GPC5: variants seen among roughly 807,000 people sequenced by gnomAD.
The protein encoded by GPC5 is glypican-5.
Under a neutral mutation model 53.9 loss-of-function variants are expected in GPC5, and 47 were observed. The ratio of observed to expected loss-of-function variants is 0.87; its 90% CI spans 0.69 to 1.11. The LOEUF is 1.11. Among genes scored for constraint, GPC5 ranks in the 50% most tolerant of loss-of-function variants. The pLI is 0.00. For missense variants in GPC5, 748 were observed against 713.1 expected, an observed-to-expected ratio of 1.05 and a Z score of -0.56; for synonymous variants, 286 against 263.3, an observed-to-expected ratio of 1.09 and a Z score of -0.84.
At chr13:92,628,627 T>A (rs2139127771) in intron 7 of GPC5, among the ~76,000 whole-genome samples, 1 of 152,218 alleles carries the variant, frequency 6.6e-6, no homozygotes, top group South Asian at 2.1e-4. Context: ...GTGACTAAAC[T>A]GGTACGATTT....
intron 7 of GPC5, among the ~76,000 whole-genome samples, chr13:92,792,909 G>A (rs971549978): frequency 1.3e-5 from 2 of 152,098 alleles, no homozygotes; most frequent in African/African-American, 4.8e-5. Context: ...CCTACAAAGA[G>A]ACTTAGACTC....
rs1360227791 is a variant in GPC5, at chr13:91,693,168, A to G, written c.326-19A>G. 1.5e-5 allele frequency: 24 copies of G among 1,571,626 alleles called. No homozygotes were observed. The highest frequency in any genetic ancestry group is 2.1e-5 in the Non-Finnish European group (24 of 1,146,112). On this transcript the variant is annotated intron_variant, in intron 2 of 7. Coordinates refer to ENST00000377067, the MANE Select transcript of GPC5 (RefSeq NM_004466.6). ...TGAATACTAAACCTTCTCATGTTTT[A>G]CCTCTGCTTGTGTTACAGAAACCCT...
chr13:92,259,736 T>G (rs762181951), intron 7 of GPC5, among the ~76,000 whole-genome samples: 2 of 152,142 alleles, frequency 1.3e-5, no homozygotes, highest in African/African-American at 2.4e-5. Context: ...GAACATGTGA[T>G]CTCATCAGTT....
intron 7 of GPC5, among the ~76,000 whole-genome samples, chr13:92,745,398 T>C (rs1239154614): frequency 2.0e-5 from 3 of 152,126 alleles, no homozygotes; most frequent in African/African-American, 4.8e-5. Flanking sequence ...TTTTTTGAAT[T>C]CCATTCCTAT....
At position 92,796,279 on chromosome 13, in the gene GPC5, G is replaced by A. The variant is rs140251178; in HGVS notation, c.1562-70003G>A. 3.5e-3 allele frequency among the ~76,000 whole-genome samples: 531 copies of A among 152,062 alleles called. 6 individuals carry two copies. The highest frequency in any genetic ancestry group is 4.5e-3 in the Non-Finnish European group (308 of 67,960). On this transcript the variant is annotated intron_variant, in intron 7 of 7. Coordinates refer to ENST00000377067, the MANE Select transcript of GPC5 (RefSeq NM_004466.6). ...TCACAAGGACAGAAAACCAAATACCGCATGTTCTCACTCATAGGTGGGAAC... is the reference window on the plus strand; with the variant it reads ...TCACAAGGACAGAAAACCAAATACCACATGTTCTCACTCATAGGTGGGAAC...
At chr13:91,865,639 T>A (rs1476375317) in intron 5 of GPC5, among the ~76,000 whole-genome samples, 1 of 152,220 alleles carries the variant, frequency 6.6e-6, no homozygotes, top group Admixed American at 6.5e-5. Context: ...AAATATCCCA[T>A]GACCCCATGG....
intron 2 of GPC5, among the ~76,000 whole-genome samples, chr13:91,500,691 A>C (rs1301058866): frequency 6.6e-6 from 1 of 152,208 alleles, no homozygotes. Context: ...AAGGGCTTCT[A>C]ATCTCTACAG....
Position 92,760,028 on chromosome 13 carries a change from C to A in GPC5, c.1562-106254C>A, listed in dbSNP as rs933978489. Among the ~76,000 whole-genome samples, 6 of 152,174 alleles carry A rather than the reference C, an allele frequency of 3.9e-5. No individual in the cohort carries two copies. In the East Asian group the frequency reaches 1.2e-3, roughly 29 times the overall value. The stretch of plus-strand genomic sequence containing the variant: ...GATGTATAACATTGACTGATTTGCA[C>A]ATGTTAAATCTGTCTTGCATACCAG... On this transcript the variant is annotated intron_variant, in intron 7 of 7. Transcript: ENST00000377067.
intron 7 of GPC5, among the ~76,000 whole-genome samples, chr13:92,719,608 A>T (rs1888443771): frequency 6.6e-6 from 1 of 152,146 alleles, no homozygotes. Flanking sequence ...AGAGGTTCTA[A>T]CAATTCCAAA....
At chr13:92,554,821 T>C (rs1882437798) in intron 7 of GPC5, among the ~76,000 whole-genome samples, 1 of 151,140 alleles carries the variant, frequency 6.6e-6, no homozygotes, top group African/African-American at 2.4e-5. Flanking sequence ...TTAATGCATA[T>C]GTGTATAGAA....
At chr13:92,582,546 G>T (rs2139055232) in intron 7 of GPC5, among the ~76,000 whole-genome samples, 1 of 152,098 alleles carries the variant, frequency 6.6e-6, no homozygotes, top group East Asian at 1.9e-4. Context: ...AATATCATTG[G>T]AACTTTGATA....
intron 2 of GPC5, among the ~76,000 whole-genome samples, chr13:91,481,351 T>C (rs1055108761): frequency 6.6e-6 from 1 of 152,222 alleles, no homozygotes; most frequent in Non-Finnish European, 1.5e-5. Flanking sequence ...ATTGCTCTTT[T>C]GGGGTGAAGT....
chr13:92,789,680 GC>G (rs1177937281), intron 7 of GPC5, among the ~76,000 whole-genome samples: 7 of 152,024 alleles, frequency 4.6e-5, no homozygotes, highest in African/African-American at 1.7e-4. Context: ...TCATAAAATA[GC>G]TAAATTTTAA....
chr13:92,355,456 T>C (rs570412928), intron 7 of GPC5, among the ~76,000 whole-genome samples: 10 of 152,276 alleles, frequency 6.6e-5, no homozygotes, highest in African/African-American at 2.4e-4. Flanking sequence ...TCCTTCTTGA[T>C]TTGCATTGCT....
At chr13:91,418,047 C>T (rs1878357715) in intron 1 of GPC5, among the ~76,000 whole-genome samples, 1 of 152,106 alleles carries the variant, frequency 6.6e-6, no homozygotes, top group African/African-American at 2.4e-5. Flanking sequence ...CTTCCAACTC[C>T]ATCCTGCCTG....
intron 5 of GPC5, among the ~76,000 whole-genome samples, chr13:91,872,293 A>C (rs2039154140): frequency 6.6e-6 from 1 of 152,218 alleles, no homozygotes; most frequent in African/African-American, 2.4e-5. Flanking sequence ...ATCTCACTAA[A>C]GTAAGAGTAC....
intron 6 of GPC5, among the ~76,000 whole-genome samples, chr13:91,952,109 T>A (rs988476942): frequency 6.6e-6 from 1 of 152,114 alleles, no homozygotes; most frequent in Non-Finnish European, 1.5e-5. Context: ...TTGGTATATG[T>A]TCTGCTAGGT....
chr13:91,531,224 A>G (rs778681221), intron 2 of GPC5, among the ~76,000 whole-genome samples: 10 of 152,202 alleles, frequency 6.6e-5, no homozygotes, highest in Non-Finnish European at 1.2e-4. Flanking sequence ...ATTTTACGGT[A>G]TTGAAGTTTG....
At chr13:92,596,695 A>G (rs570932528) in intron 7 of GPC5, among the ~76,000 whole-genome samples, 140 of 152,266 alleles carry the variant, frequency 9.2e-4, no homozygotes, top group African/African-American at 3.3e-3. Flanking sequence ...GATGGTCTCA[A>G]TCTCTTGACC....
Sources: allele counts gnomAD v4.1 joint callset (sites outside exome capture counted in the v4.1 genomes callset), GRCh38; gene constraint gnomAD v4.1.1; transcripts MANE v1.5; gene names NCBI Gene and HGNC (gene_info 2026-07-23, HGNC 2026-07-21).